PAFAH2: variants seen among roughly 807,000 people sequenced by gnomAD.
The protein encoded by PAFAH2 is platelet-activating factor acetylhydrolase 2, cytoplasmic.
PAFAH2 carries 42 observed loss-of-function variants against 49.0 expected under a neutral mutation model. That is an observed-to-expected ratio of 0.86 (90% CI 0.67 to 1.11). The LOEUF is 1.11. Ranked by LOEUF, PAFAH2 falls within the 50% of genes least tolerant of loss-of-function variation. The probability of loss-of-function intolerance (pLI) is 0.00; values close to 1 mark genes in which losing one functional copy is unlikely to be tolerated. For missense variants in PAFAH2, 503 were observed against 501.8 expected (o/e 1.00, Z -0.02); for synonymous variants, 184 against 181.3 (o/e 1.01, Z -0.12).
chr1:25,992,625 T>G (rs1487677104), intron 1 of PAFAH2, among the ~76,000 whole-genome samples: 6 of 152,220 alleles, frequency 3.9e-5, no homozygotes, highest in African/African-American at 1.4e-4. Context: ...ATTTTACAGA[T>G]GAGGAAACAG....
Position 25,992,072 on chromosome 1 carries a change from T to C in PAFAH2, c.-47-1209A>G, listed in dbSNP as rs892869105. On this transcript the variant is annotated intron_variant, in intron 1 of 10. Transcript: ENST00000374282. ...GAGATTCAGTTATACAGATGCAAAGTTACTGAACTAAGCTTTTTCTTAAAA... is the reference window on the plus strand; with the variant it reads ...GAGATTCAGTTATACAGATGCAAAGCTACTGAACTAAGCTTTTTCTTAAAA... 2.7e-5 allele frequency among the ~76,000 whole-genome samples: 4 copies of C among 149,164 alleles called. No individual in the cohort carries two copies. In the East Asian group the frequency reaches 8.1e-4, roughly 30 times the overall value.
Position 25,976,694 on chromosome 1 carries a change from T to C in PAFAH2, c.746A>G (p.Glu249Gly), listed in dbSNP as rs1414422203. 6.2e-7 allele frequency: 1 copy of C among 1,614,046 alleles called. No individual in the cohort carries two copies. Among genetic ancestry groups the C allele is most frequent in the African/African-American group, 1.3e-5 (1 of 75,064 alleles). Residue 249 changes from glutamate to glycine, a missense_variant, in exon 8 of 11, where the codon GAG becomes GGG. Glu to Gly is a moderately conservative substitution (Grantham distance 98, BLOSUM62 -2). Coordinates refer to ENST00000374282, the MANE Select transcript of PAFAH2 (RefSeq NM_000437.4). The stretch of plus-strand genomic sequence containing the variant: ...CTAGGAAACTCACCGAAATTGGGTC[T>C]CCTTGGCCAAAGCCAGAATAGCTGT... ...GATAILALAKETQFRCAVALD... is the reference protein window; with the variant it reads ...GATAILALAKGTQFRCAVALD...
chr1:25,994,390 C>G (rs1205092829), intron 1 of PAFAH2, among the ~76,000 whole-genome samples: 1 of 152,138 alleles, frequency 6.6e-6, no homozygotes, highest in Admixed American at 6.6e-5. Context: ...CTTAGCCTCC[C>G]AAGGTGCTTG....
At chr1:25,977,014 C>CTTTTTT (rs201548055) in intron 7 of PAFAH2, among the ~76,000 whole-genome samples, 6 of 88,364 alleles carry the variant, frequency 6.8e-5, no homozygotes, top group Admixed American at 1.5e-4. Context: ...TTCATGTTTA[C>CTTTTTT]TTTTTTTTTT....
intron 10 of PAFAH2, among the ~76,000 whole-genome samples, chr1:25,965,715 G>C (rs2049409269): frequency 6.7e-6 from 1 of 149,730 alleles, no homozygotes; most frequent in South Asian, 2.1e-4. Flanking sequence ...CTACTCAGGA[G>C]GCTGAGGTAG....
chr1:25,964,166 T>C (rs570247504), intron 10 of PAFAH2: 1 of 152,380 alleles, frequency 6.6e-6, no homozygotes, highest in Admixed American at 6.5e-5. Context: ...AAAGGATCAC[T>C]CTGGCTGCTC....
chr1:25,971,562 C>T (rs1572344531), intron 10 of PAFAH2, among the ~76,000 whole-genome samples: 2 of 152,092 alleles, frequency 1.3e-5, no homozygotes, highest in South Asian at 4.1e-4. Context: ...AAAGAGATGT[C>T]GTGAGAGGAA....
intron 10 of PAFAH2, among the ~76,000 whole-genome samples, chr1:25,966,769 T>C (rs1428704861): frequency 1.3e-5 from 2 of 152,000 alleles, no homozygotes; most frequent in Non-Finnish European, 2.9e-5. Context: ...CCTACATCTA[T>C]ACAAATAAAC....
chr1:25,986,480 C>G (rs1572360489), intron 4 of PAFAH2, among the ~76,000 whole-genome samples: 1 of 152,180 alleles, frequency 6.6e-6, no homozygotes, highest in African/African-American at 2.4e-5. Context: ...TGTCTTGGAC[C>G]TGCATTGAGG....
intron 1 of PAFAH2, among the ~76,000 whole-genome samples, chr1:25,991,908 A>T (rs1171969963): frequency 6.6e-6 from 1 of 152,056 alleles, no homozygotes; most frequent in African/African-American, 2.4e-5. Flanking sequence ...ACAAACAAAC[A>T]AACAAAAGAC....
At chr1:25,962,698 G>C (rs1459823135) in intron 10 of PAFAH2, among the ~76,000 whole-genome samples, 1 of 151,958 alleles carries the variant, frequency 6.6e-6, no homozygotes, top group Non-Finnish European at 1.5e-5. Flanking sequence ...GGTGGTGTGT[G>C]CCTGAAGTCC....
Position 25,989,460 on chromosome 1 carries a change from T to C in PAFAH2, c.232A>G (p.Asn78Asp). The change falls in exon 3 of 11, where the codon AAC (asparagine) becomes GAC (aspartate). Residue 78 changes from asparagine to aspartate, a missense_variant. Asn to Asp is a conservative substitution (Grantham distance 23). Transcript: ENST00000374282. Reference sequence around the variant, plus strand: ...GGCCAGCCCTTACCCACCGCCAGGTTGAACAGCAAGCCCCCGCAGCGCTTA... The same window carrying C: ...GGCCAGCCCTTACCCACCGCCAGGTCGAACAGCAAGCCCCCGCAGCGCTTA... ...FNKRCGGLLF[N>D]LAVGSCRLPV... The C allele has an allele frequency of 6.3e-7, 1 of 1,599,506 alleles. No individual in the cohort carries two copies. The highest frequency in any genetic ancestry group is 8.5e-7 in the Non-Finnish European group (1 of 1,172,696).
At chr1:25,962,106 C>T in intron 10 of PAFAH2, 23 bp from the exon 11 acceptor site, 3 of 1,574,994 alleles carry the variant, frequency 1.9e-6, no homozygotes, top group Non-Finnish European at 2.6e-6. Flanking sequence ...AAAACAGGAA[C>T]ATTAGGCAAA....
At chr1:25,977,485 C>G (rs1316376032) in intron 7 of PAFAH2, among the ~76,000 whole-genome samples, 1 of 151,260 alleles carries the variant, frequency 6.6e-6, no homozygotes, top group Non-Finnish European at 1.5e-5. Context: ...AAAACCTTCT[C>G]TTTACAAAAA....
At chr1:25,976,536 G>C (rs1231198880) in intron 8 of PAFAH2, 146 bp downstream of exon 8, 2 of 607,834 alleles carry the variant, frequency 3.3e-6, no homozygotes, top group African/African-American at 3.7e-5. Context: ...ATAATCCCAT[G>C]AAATCAGAGA....
chr1:25,996,709 C>T (rs929534415), intron 1 of PAFAH2, among the ~76,000 whole-genome samples: 3 of 152,144 alleles, frequency 2.0e-5, no homozygotes, highest in Non-Finnish European at 4.4e-5. Flanking sequence ...GTAAAGCACT[C>T]GATGGATAGA....
chr1:25,972,810 T>C, intron 9 of PAFAH2, 98 bp from the exon 10 acceptor site: 1 of 1,207,322 alleles, frequency 8.3e-7, no homozygotes, highest in Non-Finnish European at 1.2e-6. Flanking sequence ...TCATGTATTA[T>C]CACACTTTAT....
At chr1:25,979,414 C>A (rs2049647089) in intron 7 of PAFAH2, among the ~76,000 whole-genome samples, 1 of 151,654 alleles carries the variant, frequency 6.6e-6, no homozygotes, top group African/African-American at 2.4e-5. Context: ...CTCCTAGGCT[C>A]AAGGTCAAGC....
At chr1:25,990,518 G>A (rs769689028) in intron 2 of PAFAH2, among the ~76,000 whole-genome samples, 2 of 152,106 alleles carry the variant, frequency 1.3e-5, no homozygotes, top group East Asian at 1.9e-4. Context: ...GAAAATGAAC[G>A]CATTATCTCT....
Sources: allele counts gnomAD v4.1 joint callset (sites outside exome capture counted in the v4.1 genomes callset), GRCh38; gene constraint gnomAD v4.1.1; transcripts MANE v1.5; gene names NCBI Gene and HGNC (gene_info 2026-07-23, HGNC 2026-07-21).